Variants in SPATA6L observed in about 807,000 individuals in gnomAD.
SPATA6L encodes the protein spermatogenesis associated 6-like protein.
A neutral mutation model predicts 49.2 loss-of-function variants in SPATA6L; 68 were observed. That is an observed-to-expected ratio of 1.38 (90% CI 1.14 to 1.69). SPATA6L has a LOEUF of 1.69. Ranked by LOEUF, SPATA6L falls within the 40% of genes most tolerant of loss-of-function variation. The pLI, the probability that SPATA6L is intolerant of heterozygous loss-of-function variation, is 0.00. For missense variants in SPATA6L, 668 were observed against 464.3 expected, an observed-to-expected ratio of 1.44 and a Z score of -4.03; for synonymous variants, 198 against 165.7, an observed-to-expected ratio of 1.19 and a Z score of -1.50.
At chr9:4,661,217 C>T (rs1318479700) in intron 2 of SPATA6L, among the ~76,000 whole-genome samples, 3 of 152,162 alleles carry the variant, frequency 2.0e-5, no homozygotes, top group African/African-American at 7.2e-5. Flanking sequence ...TTGTTTGGGG[C>T]AAAATCATTA....
intron 3 of SPATA6L, among the ~76,000 whole-genome samples, chr9:4,635,827 C>A (rs901747936): frequency 1.3e-5 from 2 of 152,102 alleles, no homozygotes; most frequent in Non-Finnish European, 2.9e-5. Flanking sequence ...GCCAAGGGCC[C>A]AGATGACAGC....
At chr9:4,621,217 G>A (rs1325367415) in intron 7 of SPATA6L, among the ~76,000 whole-genome samples, 1 of 152,166 alleles carries the variant, frequency 6.6e-6, no homozygotes, top group Non-Finnish European at 1.5e-5. Context: ...TCACCGACAT[G>A]ACCTTCACTA....
chr9:4,663,193 G>A (rs1316950928), intron 1 of SPATA6L: 1 of 1,614,142 alleles, frequency 6.2e-7, no homozygotes. Context: ...ATGCAGTACA[G>A]CATCGTGGAC....
At position 4,611,125 on chromosome 9, in the gene SPATA6L, A is replaced by T. The variant is rs1424850058; in HGVS notation, c.996-5685T>A. Among the ~76,000 whole-genome samples the T allele has an allele frequency of 4.0e-5, 6 of 148,796 alleles. 1 individual carries two copies. Among genetic ancestry groups the T allele is most frequent in the African/African-American group, 1.3e-4 (5 of 38,328 alleles). ...ACCATCTCACACCAGTTAGAATGGC[A>T]ATCATTAAAAAGTCAGGAAACAACA... On this transcript the variant is annotated intron_variant, in intron 9 of 11. Transcript: ENST00000682582.
At chr9:4,595,913 G>T (rs1293606287), downstream of SPATA6L, among the ~76,000 whole-genome samples, 1 of 152,202 alleles carries the variant, frequency 6.6e-6, no homozygotes, top group African/African-American at 2.4e-5. Flanking sequence ...CTTCAGACCA[G>T]CTTTATGTGG....
chr9:4,650,712 T>G (rs1198266817), intron 3 of SPATA6L, among the ~76,000 whole-genome samples: 5 of 152,146 alleles, frequency 3.3e-5, no homozygotes, highest in Non-Finnish European at 5.9e-5. Flanking sequence ...CAGGCTAGAG[T>G]GCAGTGGCAC....
At position 4,643,010 on chromosome 9, in the gene SPATA6L, T is replaced by C. The variant is rs149244132; in HGVS notation, c.227-7611A>G. On this transcript the variant is annotated intron_variant, in intron 3 of 11. Transcript: ENST00000682582. ...CATAAAATAGGATAAAATATATTTT[T>C]ATCTATTTATTTATTTAGATGGAGT... Among the ~76,000 whole-genome samples, 229 of 152,290 alleles carry C rather than the reference T, an allele frequency of 1.5e-3. 3 individuals are homozygous for C. The highest frequency in any genetic ancestry group is 5.3e-3 in the African/African-American group (219 of 41,560).
At chr9:4,640,503 T>C (rs984513229) in intron 3 of SPATA6L, among the ~76,000 whole-genome samples, 4 of 152,042 alleles carry the variant, frequency 2.6e-5, no homozygotes, top group African/African-American at 9.7e-5. Context: ...AATAGAGAAA[T>C]TGGTCCCTGA....
chr9:4,622,067 C>G (rs369636830), intron 7 of SPATA6L, among the ~76,000 whole-genome samples: 24 of 152,300 alleles, frequency 1.6e-4, no homozygotes, highest in East Asian at 1.5e-3. Flanking sequence ...AACGGAAAGC[C>G]TTATTTGTTA....
At chr9:4,640,833 T>TAA (rs142841801) in intron 3 of SPATA6L, among the ~76,000 whole-genome samples, 3 of 152,212 alleles carry the variant, frequency 2.0e-5, no homozygotes, top group East Asian at 3.9e-4. Context: ...GATTGTAAAT[T>TAA]AAAAAAACAA....
At chr9:4,659,093 C>T (rs374137376) in intron 2 of SPATA6L, among the ~76,000 whole-genome samples, 6 of 152,132 alleles carry the variant, frequency 3.9e-5, no homozygotes, top group African/African-American at 1.4e-4. Context: ...AACTAAGTTC[C>T]TTTAGATTCT....
intron 9 of SPATA6L, among the ~76,000 whole-genome samples, chr9:4,612,948 C>T (rs1827122875): frequency 6.6e-6 from 1 of 152,048 alleles, no homozygotes; most frequent in African/African-American, 2.4e-5. Flanking sequence ...CCACTTGGGG[C>T]CAGGCGCAGT....
rs369535277 is a variant in SPATA6L at position 4,662,477 on chromosome 9, C to A, written c.40-441G>T. 1,313 of 1,550,210 alleles carry A rather than the reference C, an allele frequency of 8.5e-4. 7 individuals carry two copies. Among genetic ancestry groups the A allele is most frequent in the Non-Finnish European group, 9.1e-4 (1,048 of 1,157,690 alleles). On this transcript the variant is annotated intron_variant, in intron 1 of 11. Transcript: ENST00000682582. This position sits in a 1 kb window ranked among gnomAD's most constrained non-coding sequence, Gnocchi z 4.9. ...GCCCAGCCCATGGCGGCGGTGGCGGCGGCAGCAGGTTTGAGTTCCAGTCCC... is the reference window on the plus strand; with the variant it reads ...GCCCAGCCCATGGCGGCGGTGGCGGAGGCAGCAGGTTTGAGTTCCAGTCCC...
intron 13 of SPATA6L, among the ~76,000 whole-genome samples, chr9:4,589,719 GA>G (rs1821782242): frequency 6.6e-6 from 1 of 152,272 alleles, no homozygotes; most frequent in South Asian, 2.1e-4. Context: ...AGTACAGCAT[GA>G]AGTTCACTTT....
chr9:4,630,946 G>C (rs1170637608), intron 4 of SPATA6L, among the ~76,000 whole-genome samples: 1 of 152,180 alleles, frequency 6.6e-6, no homozygotes, highest in African/African-American at 2.4e-5. Flanking sequence ...AACTGGGAAT[G>C]AACCCAGACA....
Position 4,622,516 on chromosome 9 carries a change from A to C in SPATA6L, c.670-6T>G. ...AAGGGCTTTGCACTGTCCACCTGAAAGTAAAGGAAAGAAATAAGACTAGAA... is the reference window on the plus strand; with the variant it reads ...AAGGGCTTTGCACTGTCCACCTGAACGTAAAGGAAAGAAATAAGACTAGAA... On this transcript the variant is annotated splice_region_variant and splice_polypyrimidine_tract_variant and intron_variant, in intron 6 of 11. Coordinates refer to ENST00000682582, the MANE Select transcript of SPATA6L (RefSeq NM_001353486.2). 6.3e-7 allele frequency: 1 copy of C among 1,588,646 alleles called. No individual in the cohort carries two copies. The highest frequency in any genetic ancestry group is 8.6e-7 in the Non-Finnish European group (1 of 1,160,294).
intron 1 of SPATA6L, among the ~76,000 whole-genome samples, chr9:4,665,413 C>G (rs531711574): frequency 6.6e-6 from 1 of 152,292 alleles, no homozygotes; most frequent in Admixed American, 6.5e-5. Flanking sequence ...TTGCTGTCAG[C>G]AAAGTGGGAC....
chr9:4,634,947 A>C (rs148783175), intron 4 of SPATA6L, among the ~76,000 whole-genome samples: 97 of 152,330 alleles, frequency 6.4e-4, no homozygotes, highest in African/African-American at 2.3e-3. Flanking sequence ...AATAAAGATA[A>C]CTACTGTCGC....
Position 4,662,263 on chromosome 9 carries a change from C to A in SPATA6L, c.40-227G>T. The A allele has an allele frequency of 7.0e-7, 1 of 1,434,278 alleles. No homozygotes were observed. The highest frequency in any genetic ancestry group is 9.1e-7 in the Non-Finnish European group (1 of 1,099,564). The allele number at this position is 1,434,278 out of a possible 1,614,324, so 88.8% of individuals were successfully genotyped here. On this transcript the variant is annotated intron_variant, in intron 1 of 11. Transcript: ENST00000682582. The surrounding 1 kb of genome is among the most constrained non-coding windows in gnomAD (Gnocchi z 4.9). ...ACCAGGTGTCACAATCGCGCTCTCG[C>A]CGGCTCCTCTCCCCGCCCCTCCGGG...
Sources: gnomAD v4.1 joint callset for allele counts (sites outside exome capture counted in the v4.1 genomes callset) on GRCh38, gnomAD v4.1.1 for gene constraint, Gnocchi (gnomAD v3.1) non-coding constraint, MANE v1.5 for transcripts, NCBI Gene and HGNC (gene_info 2026-07-23, HGNC 2026-07-21) for gene names.